The following CCDC122 variants were observed in gnomAD, a reference collection of about 807,000 sequenced individuals.
The protein encoded by CCDC122 is coiled-coil domain containing 122.
A neutral mutation model predicts 37.0 loss-of-function variants in CCDC122; 38 were observed. That is an observed-to-expected ratio of 1.03 (90% CI 0.79 to 1.35). The LOEUF (loss-of-function observed/expected upper bound fraction) is 1.35, where lower values mean the gene tolerates loss of function less well. Ranked by LOEUF, CCDC122 falls within the 40% of genes most tolerant of loss-of-function variation. The pLI is 0.00. For missense variants in CCDC122, 305 were observed against 310.0 expected (o/e 0.98, Z 0.12); for synonymous variants, 83 against 95.6 (o/e 0.87, Z 0.77).
chr13:43,863,042 T>C (rs1324216807), intron 4 of CCDC122, among the ~76,000 whole-genome samples: 1 of 151,952 alleles, frequency 6.6e-6, no homozygotes, highest in South Asian at 2.1e-4. Flanking sequence ...GCAAAATTAA[T>C]ATAAATACAT....
intron 2 of CCDC122, among the ~76,000 whole-genome samples, chr13:43,870,615 T>C (rs1245041224): frequency 6.6e-6 from 1 of 152,126 alleles, no homozygotes; most frequent in Non-Finnish European, 1.5e-5. Context: ...AAAAATTATA[T>C]AGTGTTTATT....
At chr13:43,843,542 T>C (rs1953424783) in intron 6 of CCDC122, among the ~76,000 whole-genome samples, 1 of 151,988 alleles carries the variant, frequency 6.6e-6, no homozygotes, top group Non-Finnish European at 1.5e-5. Flanking sequence ...CTATCAATTT[T>C]GTTTCTTTTT....
downstream of CCDC122, among the ~76,000 whole-genome samples, chr13:43,833,681 C>A (rs1337420359): frequency 6.6e-6 from 1 of 152,134 alleles, no homozygotes; most frequent in African/African-American, 2.4e-5. Flanking sequence ...TCACGATGAT[C>A]CTAAGCACCA....
chr13:43,822,985 T>C (rs1314027440), downstream of CCDC122, among the ~76,000 whole-genome samples: 1 of 151,982 alleles, frequency 6.6e-6, no homozygotes, highest in Non-Finnish European at 1.5e-5. Flanking sequence ...CCCCTTTACT[T>C]CTCTCTCTGC....
chr13:43,864,302 T>C lies in CCDC122; in HGVS notation c.157-4232A>G, dbSNP rs888381960. Reference sequence around the variant, plus strand: ...GATATTTGGTCTTTGTTCCCAGTTATTGGTACAGAGCTCCTAAAACTCTTG... The same window carrying C: ...GATATTTGGTCTTTGTTCCCAGTTACTGGTACAGAGCTCCTAAAACTCTTG... On this transcript the variant is annotated intron_variant, in intron 4 of 6. Transcript: ENST00000444614. Among the ~76,000 whole-genome samples, 26 of 152,320 alleles carry C rather than the reference T, an allele frequency of 1.7e-4. 1 individual carries two copies. The highest frequency in any genetic ancestry group is 3.7e-4 in the Non-Finnish European group (25 of 68,030).
intron 3 of CCDC122, among the ~76,000 whole-genome samples, chr13:43,825,397 G>C (rs1450309703): frequency 6.6e-6 from 1 of 152,158 alleles, no homozygotes; most frequent in African/African-American, 2.4e-5. Context: ...CTAAAAGGAG[G>C]GGGTAGGGCA....
chr13:43,847,815 C>T (rs1211320803), intron 6 of CCDC122, among the ~76,000 whole-genome samples: 1 of 152,108 alleles, frequency 6.6e-6, no homozygotes, highest in African/African-American at 2.4e-5. Flanking sequence ...TGCTCTGTTG[C>T]CTAGGCTGGA....
intron 6 of CCDC122, among the ~76,000 whole-genome samples, chr13:43,843,622 T>C (rs920158334): frequency 6.6e-6 from 1 of 151,956 alleles, no homozygotes; most frequent in Non-Finnish European, 1.5e-5. Flanking sequence ...TGAAACAGTC[T>C]GTTTACATTG....
downstream of CCDC122, among the ~76,000 whole-genome samples, chr13:43,832,353 C>G (rs899553208): frequency 6.6e-6 from 1 of 152,068 alleles, no homozygotes; most frequent in Non-Finnish European, 1.5e-5. Flanking sequence ...ATTCCTGACT[C>G]CCCCGCAAAT....
intron 4 of CCDC122, among the ~76,000 whole-genome samples, chr13:43,863,686 T>C (rs1954185505): frequency 6.6e-6 from 1 of 151,932 alleles, no homozygotes; most frequent in South Asian, 2.1e-4. Context: ...TGTGTGTGTG[T>C]GTGTGTGTGT....
intron 4 of CCDC122, among the ~76,000 whole-genome samples, chr13:43,861,700 G>T (rs562386664): frequency 6.6e-6 from 1 of 152,164 alleles, no homozygotes; most frequent in East Asian, 1.9e-4. Flanking sequence ...ATACAATATG[G>T]CAATGAACCT....
At chr13:43,836,209 G>A (rs769296996), downstream of CCDC122, 40 of 152,152 alleles carry the variant, frequency 2.6e-4, no homozygotes, top group Non-Finnish European at 5.6e-4. Context: ...GGAGGAGCAC[G>A]TTTATCTTGA....
chr13:43,830,776 T>G (rs912898202), intron 3 of CCDC122, among the ~76,000 whole-genome samples: 2 of 152,166 alleles, frequency 1.3e-5, no homozygotes, highest in Non-Finnish European at 2.9e-5. Flanking sequence ...AAGATCTAAG[T>G]TGAGGCCACT....
intron 6 of CCDC122, among the ~76,000 whole-genome samples, chr13:43,845,128 A>G (rs1953476806): frequency 6.6e-6 from 1 of 151,774 alleles, no homozygotes; most frequent in African/African-American, 2.4e-5. Flanking sequence ...AGCTATGCTT[A>G]TATCTTTATG....
rs569013138 is a variant in CCDC122, at chr13:43,845,905, C to T, written c.673-8476G>A. 3.9e-4 allele frequency among the ~76,000 whole-genome samples: 60 copies of T among 152,158 alleles called. 1 individual carries two copies. In the South Asian group the frequency reaches 8.3e-3, roughly 21 times the overall value. On this transcript the variant is annotated intron_variant, in intron 6 of 6. Transcript: ENST00000444614. ...TTTACCCACAATATCAATCATTATACGCTTCTTTTAATTATAAAATGAAAA... is the reference window on the plus strand; with the variant it reads ...TTTACCCACAATATCAATCATTATATGCTTCTTTTAATTATAAAATGAAAA...
chr13:43,861,473 T>G (rs1230334105), intron 4 of CCDC122, among the ~76,000 whole-genome samples: 1 of 152,150 alleles, frequency 6.6e-6, no homozygotes, highest in Non-Finnish European at 1.5e-5. Context: ...CCACCTTAGC[T>G]CTTCCCTTCT....
chr13:43,819,849 T>C (rs1002478255), downstream of CCDC122, among the ~76,000 whole-genome samples: 2 of 152,066 alleles, frequency 1.3e-5, no homozygotes, highest in African/African-American at 4.8e-5. Context: ...AAATGTGATT[T>C]CTAAAAATAT....
At position 43,830,957 on chromosome 13, in the gene CCDC122, C is replaced by A. The variant is rs1953083547; in HGVS notation, n.602-6946G>T. On this transcript the variant is annotated intron_variant and non_coding_transcript_variant, in intron 3 of 3. Coordinates refer to the CCDC122 transcript ENST00000470137. ...TTACACTGATTATTAGGAAACTGTGCATGAGTAAATTACAGTGACAGATTA... is the reference window on the plus strand; with the variant it reads ...TTACACTGATTATTAGGAAACTGTGAATGAGTAAATTACAGTGACAGATTA... Among the ~76,000 whole-genome samples, 2 of 152,022 alleles carry A rather than the reference C, an allele frequency of 1.3e-5. 1 individual carries two copies.
intron 6 of CCDC122, among the ~76,000 whole-genome samples, chr13:43,857,375 T>G (rs914940697): frequency 2.0e-5 from 3 of 152,112 alleles, no homozygotes; most frequent in Non-Finnish European, 4.4e-5. Flanking sequence ...ATGGAGTGTT[T>G]TTCTCTTTTA....
Sources: gnomAD v4.1 joint callset for allele counts (sites outside exome capture counted in the v4.1 genomes callset) on GRCh38, gnomAD v4.1.1 for gene constraint, MANE v1.5 for transcripts, NCBI Gene and HGNC (gene_info 2026-07-23, HGNC 2026-07-21) for gene names.